The following CNPY1 variants were observed in gnomAD, a reference collection of about 807,000 sequenced individuals.
The protein encoded by CNPY1 is protein canopy homolog 1.
Under a neutral mutation model 14.4 loss-of-function variants are expected in CNPY1, and 14 were observed. The observed-to-expected ratio is 0.97, with a 90% CI of 0.64 to 1.52. The LOEUF is 1.52. Ranked by LOEUF, CNPY1 falls within the 40% of genes most tolerant of loss-of-function variation. CNPY1 has a pLI of 0.00. For missense variants in CNPY1, 129 were observed against 131.5 expected (o/e 0.98, Z 0.09); for synonymous variants, 43 against 46.5 (o/e 0.92, Z 0.31).
intron 3 of CNPY1, among the ~76,000 whole-genome samples, chr7:155,507,921 C>G (rs900819557): frequency 5.3e-5 from 8 of 152,170 alleles, no homozygotes; most frequent in African/African-American, 1.9e-4. Flanking sequence ...TGTTTAATGG[C>G]ATTTTAAAAG....
At chr7:155,537,767 A>G (rs1797040513) in intron 2 of CNPY1, among the ~76,000 whole-genome samples, 1 of 152,176 alleles carries the variant, frequency 6.6e-6, no homozygotes. Flanking sequence ...GTGTCTGTGT[A>G]TAGTGTTCCA....
intron 4 of CNPY1, among the ~76,000 whole-genome samples, chr7:155,505,900 G>T (rs1471572756): frequency 6.6e-6 from 1 of 152,054 alleles, no homozygotes; most frequent in Non-Finnish European, 1.5e-5. Context: ...GTATTCTTTT[G>T]CAAGCTTCAT....
chr7:155,544,535 C>A (rs1167227694), intron 2 of CNPY1, among the ~76,000 whole-genome samples: 2 of 152,248 alleles, frequency 1.3e-5, no homozygotes, highest in African/African-American at 4.8e-5. Context: ...CACACACCCC[C>A]ACATTACACA....
rs140402168 is a variant in CNPY1, at chr7:155,526,631, T to G, written c.100-17534A>C. ...GCACGCTGGTGGAAAGATGCTTAAC[T>G]GCACTGGTAGTCAATGAAAGGGGAA... is the stretch of plus-strand genomic sequence containing the variant. On this transcript the variant is annotated intron_variant, in intron 2 of 4. Coordinates refer to ENST00000636446, the MANE Select transcript of CNPY1 (RefSeq NM_001393663.1). Among the ~76,000 whole-genome samples, 14 of 152,312 alleles carry G rather than the reference T, an allele frequency of 9.2e-5. No individual in the cohort carries two copies. The East Asian group carries it at 2.5e-3, about 27-fold the overall frequency.
intron 2 of CNPY1, among the ~76,000 whole-genome samples, chr7:155,533,524 C>T (rs1260527212): frequency 6.6e-6 from 1 of 152,210 alleles, no homozygotes; most frequent in Non-Finnish European, 1.5e-5. Flanking sequence ...AGAGCGGGGC[C>T]AGCTCCGCCA....
intron 2 of CNPY1, among the ~76,000 whole-genome samples, chr7:155,538,938 G>A (rs1367585678): frequency 1.3e-5 from 2 of 152,142 alleles, no homozygotes; most frequent in Admixed American, 6.5e-5. Context: ...ATGTAGACCC[G>A]GAATGCTGAT....
At position 155,508,947 on chromosome 7, in the gene CNPY1, C is replaced by G; in HGVS notation, c.250G>C (p.Glu84Gln). The G allele has an allele frequency of 6.2e-7, 1 of 1,613,482 alleles. No homozygotes were observed. The highest frequency in any genetic ancestry group is 8.5e-7 in the Non-Finnish European group (1 of 1,179,736). ...GAATAAAAATACAATTTTTTAAATTCTTGGTATATTTTGTCTCCTTTCCTA... is the reference window on the plus strand; with the variant it reads ...GAATAAAAATACAATTTTTTAAATTGTTGGTATATTTTGTCTCCTTTCCTA... ...APRKGDKIYQ[E>Q]FKKLYFYSDA... Residue 84 changes from glutamate to glutamine, a missense_variant, in exon 3 of 5, where the codon GAA (glutamate) becomes CAA (glutamine). By Grantham distance (29) the Glu-to-Gln change is conservative. Coordinates refer to ENST00000636446, the MANE Select transcript of CNPY1 (RefSeq NM_001393663.1).
Position 155,502,928 on chromosome 7 carries a change from G to T in CNPY1, c.*140C>A. 1 of 688,206 alleles carries T rather than the reference G, an allele frequency of 1.5e-6. No homozygotes were observed. 42.6% of individuals were successfully genotyped at this position (688,206 alleles called of 1,614,324 possible). A position where few individuals can be genotyped will look rare whatever the true frequency, so the allele number is the denominator to read the frequency against. On this transcript the variant is annotated 3_prime_UTR_variant, in exon 5 of 5. Transcript: ENST00000636446. ...ATGTCAACCAACAGATTTTCAAAAT[G>T]AATCATAAACGGAGACAAACACGGT...
At chr7:155,526,755 G>A (rs1226826573) in intron 2 of CNPY1, among the ~76,000 whole-genome samples, 1 of 152,218 alleles carries the variant, frequency 6.6e-6, no homozygotes, top group Non-Finnish European at 1.5e-5. Flanking sequence ...AGCAGCCTCT[G>A]TCACCCACTG....
chr7:155,535,104 C>T (rs1440349505), intron 2 of CNPY1, among the ~76,000 whole-genome samples: 3 of 152,256 alleles, frequency 2.0e-5, no homozygotes, highest in South Asian at 4.1e-4. Context: ...GAGAAGGCTC[C>T]GCTCAAAAAC....
chr7:155,511,202 G>A (rs114497523), intron 2 of CNPY1, among the ~76,000 whole-genome samples: 1,594 of 152,284 alleles, frequency 0.01, 23 homozygotes, highest in African/African-American at 0.036. Context: ...ACAGAGCCAG[G>A]AGGAACCAGG....
At chr7:155,507,202 C>T (rs1796348163) in intron 3 of CNPY1, 86 bp from the exon 4 acceptor site, 5 of 809,352 alleles carry the variant, frequency 6.2e-6, no homozygotes, top group Non-Finnish European at 1.1e-5. Flanking sequence ...AATTTATTAG[C>T]TAAACATAGG....
At chr7:155,532,689 T>A (rs1483460756) in intron 2 of CNPY1, among the ~76,000 whole-genome samples, 2 of 110,194 alleles carry the variant, frequency 1.8e-5, no homozygotes, top group African/African-American at 9.0e-5. Context: ...CCTCCTAAAA[T>A]AGGTTGCTGA....
chr7:155,520,428 CTTTTTTTTT>C lies in CNPY1; in HGVS notation c.100-11340_100-11332del, dbSNP rs71522007. Among the ~76,000 whole-genome samples, 30 of 69,444 alleles carry C rather than the reference CTTTTTTTTT, an allele frequency of 4.3e-4. 1 individual carries two copies. The Admixed American group carries it at 5.3e-3, about 12-fold the overall frequency. The allele number at this position is 69,444 out of a possible 152,430, so 45.6% of individuals were successfully genotyped here. ...TTTCTTTTTCTTTCTTTCTTTCTTT[CTTTTTTTTT>C]TTTTTTTTTTTTTTTTTGAGGCAGA... On this transcript the variant is annotated intron_variant, in intron 2 of 4. Transcript: ENST00000636446.
chr7:155,541,607 C>T (rs1021465458), intron 2 of CNPY1, among the ~76,000 whole-genome samples: 17 of 152,250 alleles, frequency 1.1e-4, no homozygotes, highest in Non-Finnish European at 4.4e-5. Context: ...GGAGGCCAAC[C>T]GGGCCTGGCT....
chr7:155,532,300 A>T (rs1796950177), intron 2 of CNPY1, among the ~76,000 whole-genome samples: 1 of 152,092 alleles, frequency 6.6e-6, no homozygotes, highest in African/African-American at 2.4e-5. Context: ...AACTGTTCTT[A>T]AACAGCCTTC....
chr7:155,521,193 G>A (rs2116716012), intron 2 of CNPY1, among the ~76,000 whole-genome samples: 1 of 152,312 alleles, frequency 6.6e-6, no homozygotes, highest in South Asian at 2.1e-4. Flanking sequence ...GGCTGTGGGT[G>A]GAGCGAGCCT....
chr7:155,518,062 C>T (rs1315826183), intron 2 of CNPY1, among the ~76,000 whole-genome samples: 2 of 152,190 alleles, frequency 1.3e-5, no homozygotes, highest in South Asian at 2.1e-4. Context: ...TTCACACCAG[C>T]GGGCATTGAA....
At chr7:155,529,927 C>T (rs937316342) in intron 2 of CNPY1, among the ~76,000 whole-genome samples, 4 of 152,012 alleles carry the variant, frequency 2.6e-5, no homozygotes, top group Non-Finnish European at 5.9e-5. Context: ...GGATTACGGG[C>T]GCCTGCCACC....
Sources: gnomAD v4.1 joint callset for allele counts (sites outside exome capture counted in the v4.1 genomes callset) on GRCh38, gnomAD v4.1.1 for gene constraint, MANE v1.5 for transcripts, NCBI Gene and HGNC (gene_info 2026-07-23, HGNC 2026-07-21) for gene names.